The following PSPC1 variants were observed in gnomAD, a reference collection of about 807,000 sequenced individuals.
The protein encoded by PSPC1 is paraspeckle component 1, also known as paraspeckle protein 1.
PSPC1 carries 14 observed loss-of-function variants against 51.6 expected under a neutral mutation model. That is an observed-to-expected ratio of 0.27 (90% CI 0.18 to 0.42). PSPC1 has a LOEUF of 0.42. PSPC1 is among the 10% of genes least tolerant of loss of function. The pLI is 1.00. For missense variants in PSPC1, 406 were observed against 701.1 expected, an observed-to-expected ratio of 0.58 and a Z score of 4.75; for synonymous variants, 193 against 231.9, an observed-to-expected ratio of 0.83 and a Z score of 1.53.
At chr13:19,732,253 T>G (rs944689801) in intron 5 of PSPC1, among the ~76,000 whole-genome samples, 3 of 152,198 alleles carry the variant, frequency 2.0e-5, no homozygotes, top group Non-Finnish European at 4.4e-5. Context: ...TTAAGTAAAC[T>G]GGTTAATCCA....
At chr13:19,746,630 A>G (rs1312276545) in intron 4 of PSPC1, among the ~76,000 whole-genome samples, 2 of 151,406 alleles carry the variant, frequency 1.3e-5, no homozygotes, top group African/African-American at 2.4e-5. Context: ...GAACCCGGGA[A>G]CCGGAGGTTG....
chr13:19,716,262 T>A (rs1451243925), intron 6 of PSPC1, among the ~76,000 whole-genome samples: 1 of 152,190 alleles, frequency 6.6e-6, no homozygotes. Context: ...TATATGTGTG[T>A]GTGTATTACC....
At chr13:19,771,284 C>G (rs1208885576) in intron 2 of PSPC1, among the ~76,000 whole-genome samples, 1 of 151,568 alleles carries the variant, frequency 6.6e-6, no homozygotes, top group African/African-American at 2.4e-5. Flanking sequence ...ATTACAGGCA[C>G]GCAGCACCAA....
intron 6 of PSPC1, among the ~76,000 whole-genome samples, chr13:19,683,957 T>C (rs1008846481): frequency 6.6e-6 from 1 of 152,118 alleles, no homozygotes; most frequent in African/African-American, 2.4e-5. Context: ...TCAAACATAA[T>C]TAATGACCTC....
intron 6 of PSPC1, among the ~76,000 whole-genome samples, chr13:19,683,639 A>T (rs1216290026): frequency 5.3e-5 from 8 of 152,364 alleles, no homozygotes; most frequent in African/African-American, 1.9e-4. Flanking sequence ...ACATTTTCTT[A>T]AAGAAGGGAA....
rs1404416150 is a variant in PSPC1, at chr13:19,738,950, A to G, written c.1052+2615T>C. 5.3e-5 allele frequency among the ~76,000 whole-genome samples: 8 copies of G among 152,066 alleles called. No individual in the cohort carries two copies. The East Asian group carries it at 1.5e-3, about 29-fold the overall frequency. ...AATGACAAGTTTAAAAAGTCTGTTAATGTTAGTATATACACAATTTTTCCC... is the reference window on the plus strand; with the variant it reads ...AATGACAAGTTTAAAAAGTCTGTTAGTGTTAGTATATACACAATTTTTCCC... On this transcript the variant is annotated intron_variant, in intron 5 of 8. Transcript: ENST00000338910.
Position 19,732,108 on chromosome 13 carries a change from A to AG in PSPC1, c.1053-1765dup, listed in dbSNP as rs372848659. On this transcript the variant is annotated intron_variant, in intron 5 of 8. Transcript: ENST00000338910. ...ATATGGTGATTTCTTCTATTACCAG[A>AG]GAAAAAACTCAGAACTTCATGTCAG... 1.3e-3 allele frequency among the ~76,000 whole-genome samples: 198 copies of AG among 152,336 alleles called. 1 individual carries two copies. The highest frequency in any genetic ancestry group is 4.5e-3 in the African/African-American group (186 of 41,584).
At chr13:19,730,020 G>GA (rs1883850997) in intron 6 of PSPC1, among the ~76,000 whole-genome samples, 1 of 151,704 alleles carries the variant, frequency 6.6e-6, no homozygotes, top group Admixed American at 6.6e-5. Context: ...AAAATAATAG[G>GA]AAAAAATATA....
At chr13:19,743,914 C>A (rs960365573) in intron 4 of PSPC1, among the ~76,000 whole-genome samples, 4 of 151,968 alleles carry the variant, frequency 2.6e-5, no homozygotes, top group Non-Finnish European at 5.9e-5. Context: ...TGGAGGCCAG[C>A]CTGACCAACA....
chr13:19,751,148 A>G (rs1456439737), intron 4 of PSPC1, 123 bp downstream of exon 4: 2 of 654,044 alleles, frequency 3.1e-6, no homozygotes, highest in Non-Finnish European at 4.7e-6. Flanking sequence ...CACACCTAAT[A>G]TGTTGAGTTC....
intron 6 of PSPC1, chr13:19,678,981 T>G (rs1436546818): frequency 6.6e-6 from 1 of 152,278 alleles, no homozygotes; most frequent in Non-Finnish European, 1.5e-5. Flanking sequence ...ATGGAACTCC[T>G]GAGCGCAGGC....
chr13:19,749,495 C>G (rs1444319857), intron 4 of PSPC1, among the ~76,000 whole-genome samples: 1 of 150,176 alleles, frequency 6.7e-6, no homozygotes, highest in African/African-American at 2.5e-5. Flanking sequence ...CCACTGCACT[C>G]CAGGCTGGGC....
intron 4 of PSPC1, among the ~76,000 whole-genome samples, chr13:19,745,341 T>C (rs1464071018): frequency 6.6e-6 from 1 of 152,080 alleles, no homozygotes; most frequent in Non-Finnish European, 1.5e-5. Flanking sequence ...ATTAAAATGC[T>C]GTCCTAACAA....
chr13:19,760,290 G>A (rs1220553271), intron 2 of PSPC1, among the ~76,000 whole-genome samples: 4 of 152,128 alleles, frequency 2.6e-5, no homozygotes, highest in African/African-American at 9.7e-5. Context: ...CACTTTGGAA[G>A]GCCAAGGCAG....
intron 5 of PSPC1, among the ~76,000 whole-genome samples, chr13:19,730,965 C>A (rs11620411): frequency 0.33 from 11,877 of 36,282 alleles, 1,886 homozygotes; most frequent in East Asian, 0.58. Flanking sequence ...AACAAAAAAA[C>A]AAAAAAAAAA....
chr13:19,767,927 T>C (rs1448086502), intron 2 of PSPC1, among the ~76,000 whole-genome samples: 2 of 152,092 alleles, frequency 1.3e-5, no homozygotes, highest in Non-Finnish European at 2.9e-5. Flanking sequence ...CTGTTAAAGT[T>C]AAAAAACTTT....
At chr13:19,722,927 T>C (rs1003666423) in intron 6 of PSPC1, among the ~76,000 whole-genome samples, 7 of 152,028 alleles carry the variant, frequency 4.6e-5, no homozygotes, top group Non-Finnish European at 1.0e-4. Context: ...CTGGCCAACA[T>C]GGTGAAACCC....
intron 5 of PSPC1, chr13:19,737,133 G>A (rs1031913428): frequency 1.3e-5 from 2 of 152,116 alleles, no homozygotes; most frequent in Non-Finnish European, 2.9e-5. Flanking sequence ...GCTCCCAGAA[G>A]GTCACCATAT....
chr13:19,748,760 A>T (rs1375831226), intron 4 of PSPC1, among the ~76,000 whole-genome samples: 7 of 148,820 alleles, frequency 4.7e-5, no homozygotes, highest in Non-Finnish European at 8.9e-5. Flanking sequence ...GGTGGGAAAC[A>T]AAATGGCAGA....
Sources: gnomAD v4.1 joint callset for allele counts (sites outside exome capture counted in the v4.1 genomes callset) on GRCh38, gnomAD v4.1.1 for gene constraint, MANE v1.5 for transcripts, NCBI Gene and HGNC (gene_info 2026-07-23, HGNC 2026-07-21) for gene names.